Variants in CHST9 observed in about 807,000 individuals in gnomAD.
CHST9 encodes carbohydrate sulfotransferase 9.
Under a neutral mutation model 44.4 loss-of-function variants are expected in CHST9, and 41 were observed. That is an observed-to-expected ratio of 0.92 (90% CI 0.72 to 1.20). The LOEUF is 1.20. CHST9 is among the 50% of genes most tolerant of loss of function. The pLI is 0.00. For missense variants in CHST9, 504 were observed against 516.5 expected (o/e 0.98, Z 0.23); for synonymous variants, 171 against 178.4 (o/e 0.96, Z 0.33).
chr18:27,167,924 C>T (rs1003715825), intron 1 of CHST9, among the ~76,000 whole-genome samples: 1 of 152,030 alleles, frequency 6.6e-6, no homozygotes, highest in Non-Finnish European at 1.5e-5. Flanking sequence ...TGAAATAAGA[C>T]AGTATGGCTG....
intron 2 of CHST9, among the ~76,000 whole-genome samples, chr18:27,068,094 A>G (rs928175071): frequency 2.0e-5 from 3 of 152,144 alleles, no homozygotes; most frequent in Non-Finnish European, 4.4e-5. Context: ...TTATATTGAT[A>G]AGAACCTGTA....
chr18:27,170,590 T>C (rs1208718460), intron 1 of CHST9, among the ~76,000 whole-genome samples: 2 of 152,198 alleles, frequency 1.3e-5, no homozygotes, highest in Non-Finnish European at 2.9e-5. Flanking sequence ...ATTGTCAATA[T>C]ATGTAATTTT....
intron 2 of CHST9, among the ~76,000 whole-genome samples, chr18:27,070,124 A>G (rs2057823110): frequency 6.6e-6 from 1 of 152,220 alleles, no homozygotes. Context: ...AATAAATCAG[A>G]TAATGGTGGT....
chr18:26,927,293 C>T (rs2055785892), intron 5 of CHST9, among the ~76,000 whole-genome samples: 2 of 152,026 alleles, frequency 1.3e-5, no homozygotes, highest in Non-Finnish European at 2.9e-5. Context: ...GGAGGTCTTC[C>T]CCTCCACACC....
At chr18:27,051,748 C>A (rs771677967) in intron 2 of CHST9, among the ~76,000 whole-genome samples, 22 of 152,188 alleles carry the variant, frequency 1.4e-4, no homozygotes, top group Non-Finnish European at 2.8e-4. Flanking sequence ...CCTACAGAAA[C>A]CATGTGAGCT....
intron 3 of CHST9, among the ~76,000 whole-genome samples, chr18:27,027,231 A>G (rs1227149722): frequency 6.6e-6 from 1 of 152,246 alleles, no homozygotes; most frequent in East Asian, 1.9e-4. Context: ...ATACAAGGAT[A>G]GGAAAAGGTT....
chr18:26,916,569 T>C lies in CHST9; in HGVS notation c.1022A>G (p.His341Arg). 1 of 1,613,850 alleles carries C rather than the reference T, an allele frequency of 6.2e-7. No individual in the cohort carries two copies. Among genetic ancestry groups the C allele is most frequent in the South Asian group, 1.1e-5 (1 of 91,074 alleles). Reference sequence around the variant, plus strand: ...GTGAATGTCCATTCCTACTGGACGGTGGGAATCCAGCAAGTAGTGGATAAA... The same window carrying C: ...GTGAATGTCCATTCCTACTGGACGGCGGGAATCCAGCAAGTAGTGGATAAA... ...KEFIHYLLDS[H>R]RPVGMDIHWE... is the part of the protein sequence containing the mutation. The change falls in exon 6 of 6, where the codon CAC becomes CGC. Residue 341 changes from histidine to arginine, a missense_variant. Coordinates refer to ENST00000618847, the MANE Select transcript of CHST9 (RefSeq NM_031422.6).
chr18:27,140,846 C>T (rs2058558528), intron 2 of CHST9, among the ~76,000 whole-genome samples: 1 of 152,240 alleles, frequency 6.6e-6, no homozygotes, highest in South Asian at 2.1e-4. Context: ...GAAAAGTTAG[C>T]ATAATAGTTT....
chr18:27,161,089 GT>G (rs1324118251), intron 1 of CHST9, among the ~76,000 whole-genome samples: 12 of 152,146 alleles, frequency 7.9e-5, no homozygotes, highest in African/African-American at 2.9e-4. Context: ...TTTTTGAAGG[GT>G]TTTTTGTGTC....
chr18:27,167,110 C>G (rs1349476728), intron 1 of CHST9, among the ~76,000 whole-genome samples: 1 of 152,196 alleles, frequency 6.6e-6, no homozygotes, highest in Non-Finnish European at 1.5e-5. Context: ...GGACATCTTT[C>G]TCTTAGGAAT....
At chr18:27,092,260 G>C (rs950854577) in intron 2 of CHST9, among the ~76,000 whole-genome samples, 2 of 152,144 alleles carry the variant, frequency 1.3e-5, no homozygotes, top group African/African-American at 4.8e-5. Context: ...TCTGATGGTA[G>C]TTTGTATTTC....
intron 5 of CHST9, 62 bp from the exon 6 acceptor site, chr18:26,917,412 A>C: frequency 6.6e-7 from 1 of 1,517,076 alleles, no homozygotes; most frequent in South Asian, 1.3e-5. Flanking sequence ...ATACTGGATA[A>C]GGAACTTCAC....
chr18:26,934,701 T>A (rs1056091591), intron 5 of CHST9: 2 of 152,112 alleles, frequency 1.3e-5, no homozygotes, highest in African/African-American at 4.8e-5. Flanking sequence ...TCAGGAAAAA[T>A]TTCATACCAA....
At chr18:27,023,066 C>T (rs554064668) in intron 4 of CHST9, among the ~76,000 whole-genome samples, 3 of 152,224 alleles carry the variant, frequency 2.0e-5, no homozygotes, top group East Asian at 3.9e-4. Flanking sequence ...TGTCTTTTTC[C>T]CTCACCTCAA....
chr18:26,963,774 A>G (rs1480336017), intron 4 of CHST9, among the ~76,000 whole-genome samples: 1 of 152,162 alleles, frequency 6.6e-6, no homozygotes, highest in Non-Finnish European at 1.5e-5. Context: ...TAGCATCCGT[A>G]AACCTTGATT....
rs186597451 is a variant in CHST9, at chr18:27,004,258, A to G, written c.202+19858T>C. Among the ~76,000 whole-genome samples the G allele has an allele frequency of 2.8e-4, 43 of 152,128 alleles. No homozygotes were observed. The East Asian group carries it at 8.1e-3, about 29-fold the overall frequency. ...TCCTCAGGCGAGGATTAAGGAGGGA[A>G]AAGGCCAGAGAGAAAGAGGCCACAA... is the stretch of plus-strand genomic sequence containing the variant. On this transcript the variant is annotated intron_variant, in intron 4 of 5. Coordinates refer to ENST00000618847, the MANE Select transcript of CHST9 (RefSeq NM_031422.6).
chr18:26,976,408 C>T (rs2056624624), intron 4 of CHST9, among the ~76,000 whole-genome samples: 1 of 152,100 alleles, frequency 6.6e-6, no homozygotes, highest in South Asian at 2.1e-4. Context: ...AGTGATTTAG[C>T]CCCAGGCCAC....
rs1235733668 is a variant in CHST9 at position 27,107,675 on chromosome 18, T to C, written c.121+35014A>G. Among the ~76,000 whole-genome samples, 3 of 152,146 alleles carry C rather than the reference T, an allele frequency of 2.0e-5. No homozygotes were observed. The East Asian group carries it at 5.8e-4, about 29-fold the overall frequency. ...TAGCCGACACTTCTCATGGCACTGA[T>C]GAAGAGGAAAGATGGCTACCACATC... On this transcript the variant is annotated intron_variant, in intron 2 of 5. Coordinates refer to ENST00000618847, the MANE Select transcript of CHST9 (RefSeq NM_031422.6).
intron 2 of CHST9, among the ~76,000 whole-genome samples, chr18:27,051,256 T>G (rs2171103): frequency 0.33 from 49,897 of 151,644 alleles, 9,472 homozygotes; most frequent in Non-Finnish European, 0.44. Flanking sequence ...TCTAAATTGT[T>G]TTTTTAAAGA....
Sources: gnomAD v4.1 joint callset for allele counts (sites outside exome capture counted in the v4.1 genomes callset) on GRCh38, gnomAD v4.1.1 for gene constraint, MANE v1.5 for transcripts, NCBI Gene and HGNC (gene_info 2026-07-23, HGNC 2026-07-21) for gene names.